Variants in UST observed in about 807,000 individuals in gnomAD.
The protein encoded by UST is chondroitin sulfate 2-O-sulfotransferase.
UST carries 21 observed loss-of-function variants against 45.6 expected under a neutral mutation model. That is an observed-to-expected ratio of 0.46 (90% CI 0.33 to 0.66). The LOEUF (loss-of-function observed/expected upper bound fraction) is 0.66, where lower values mean the gene tolerates loss of function less well. Among genes scored for constraint, UST ranks in the 30% least tolerant of loss-of-function variants. The probability of loss-of-function intolerance (pLI) is 0.02; values close to 1 mark genes in which losing one functional copy is unlikely to be tolerated. For missense variants in UST, 463 were observed against 512.4 expected, an observed-to-expected ratio of 0.90 and a Z score of 0.93; for synonymous variants, 215 against 200.6, an observed-to-expected ratio of 1.07 and a Z score of -0.61.
chr6:148,844,854 A>G (rs1333922240), intron 1 of UST, among the ~76,000 whole-genome samples: 1 of 151,686 alleles, frequency 6.6e-6, no homozygotes, highest in African/African-American at 2.4e-5. Flanking sequence ...CTTAATGGTT[A>G]CCTCCCACTT....
chr6:148,938,534 T>C (rs1048769988), intron 2 of UST, among the ~76,000 whole-genome samples: 2 of 152,198 alleles, frequency 1.3e-5, no homozygotes, highest in African/African-American at 4.8e-5. Context: ...TCAAATGACC[T>C]ACCATAATAT....
At chr6:148,754,501 TC>T (rs1776058872) in intron 1 of UST, among the ~76,000 whole-genome samples, 1 of 152,158 alleles carries the variant, frequency 6.6e-6, no homozygotes, top group Non-Finnish European at 1.5e-5. Flanking sequence ...ATTGTGTCAT[TC>T]TTATGCCTTT....
intron 5 of UST, among the ~76,000 whole-genome samples, chr6:148,979,167 C>A (rs1028414824): frequency 2.0e-5 from 3 of 152,158 alleles, no homozygotes; most frequent in African/African-American, 7.2e-5. Context: ...AGAGTAAATT[C>A]AAGTGTGTCC....
rs11386317 is a variant in UST, at chr6:148,761,523, C to CAA, written c.247+13858_247+13859dup. ...TGTCAGAATTCATCCGACAACGTGC[C>CAA]AAAAAAAAAAAAAGTGTGTAAAATC... On this transcript the variant is annotated intron_variant, in intron 1 of 7. Coordinates refer to ENST00000367463, the MANE Select transcript of UST (RefSeq NM_005715.3). Among the ~76,000 whole-genome samples the CAA allele has an allele frequency of 2.4e-3, 355 of 144,940 alleles. 2 individuals carry two copies. Among genetic ancestry groups the CAA allele is most frequent in the Non-Finnish European group, 2.1e-3 (140 of 65,680 alleles).
chr6:148,975,585 A>G (rs542185782), intron 5 of UST, among the ~76,000 whole-genome samples: 2 of 152,284 alleles, frequency 1.3e-5, no homozygotes, highest in East Asian at 1.9e-4. Context: ...AATATTAGCT[A>G]TCATCATTAT....
chr6:149,042,124 TTAGGCAC>T (rs780595595), intron 7 of UST, among the ~76,000 whole-genome samples: 1 of 152,234 alleles, frequency 6.6e-6, no homozygotes, highest in Non-Finnish European at 1.5e-5. Flanking sequence ...ATCCAGTGAC[TTAGGCAC>T]TTTTATTATT....
intron 1 of UST, among the ~76,000 whole-genome samples, chr6:148,785,754 T>TA (rs1322621094): frequency 6.6e-6 from 1 of 152,214 alleles, no homozygotes; most frequent in Non-Finnish European, 1.5e-5. Context: ...ACTTGAATAG[T>TA]ATAAGATGTT....
At position 149,056,117 on chromosome 6, in the gene UST, C is replaced by CTTTTTTTTTTT. The variant is rs34191810; in HGVS notation, c.938-17700_938-17690dup. 9.6e-4 allele frequency among the ~76,000 whole-genome samples: 78 copies of CTTTTTTTTTTT among 81,094 alleles called. 1 individual carries two copies. The highest frequency in any genetic ancestry group is 1.5e-3 in the African/African-American group (29 of 19,500). The allele number at this position is 81,094 out of a possible 152,430, so 53.2% of individuals were successfully genotyped here. A position where few individuals can be genotyped will look rare whatever the true frequency, so the allele number is the denominator to read the frequency against. The stretch of plus-strand genomic sequence containing the variant: ...TGTTACTCTGCTTTTCTTTTCTTTT[C>CTTTTTTTTTTT]TTTTTTTTTTTTTTTTTTTTTTTTT... On this transcript the variant is annotated intron_variant, in intron 7 of 7. Transcript: ENST00000367463.
At chr6:148,802,717 G>A (rs1777076270) in intron 1 of UST, among the ~76,000 whole-genome samples, 1 of 152,112 alleles carries the variant, frequency 6.6e-6, no homozygotes, top group Admixed American at 6.6e-5. Context: ...TTTATGCTTG[G>A]GAAGCATGAA....
chr6:148,941,911 T>A (rs1014153017), intron 3 of UST, among the ~76,000 whole-genome samples: 5 of 152,182 alleles, frequency 3.3e-5, no homozygotes, highest in African/African-American at 4.8e-5. Flanking sequence ...GAGCAGCATT[T>A]GGAATGTTCA....
At chr6:148,857,600 G>C (rs1191743506) in intron 1 of UST, among the ~76,000 whole-genome samples, 1 of 152,112 alleles carries the variant, frequency 6.6e-6, no homozygotes, top group Non-Finnish European at 1.5e-5. Context: ...GAAAAGCTGA[G>C]TGGCTTGACC....
chr6:148,779,077 C>G (rs1037837681), intron 1 of UST, among the ~76,000 whole-genome samples: 3 of 152,054 alleles, frequency 2.0e-5, no homozygotes, highest in Admixed American at 6.5e-5. Flanking sequence ...CTCTTTTTCT[C>G]TCCACAAAGA....
At position 149,019,304 on chromosome 6, in the gene UST, T is replaced by C. The variant is rs796289120; in HGVS notation, c.779+68T>C. ...AAGGGCAAGAACCCCACCAGCCTGG[T>C]ACTCGGTGGGAATCTTTTGTATCCC... is the stretch of plus-strand genomic sequence containing the variant. On this transcript the variant is annotated intron_variant, in intron 6 of 7. Transcript: ENST00000367463. 3 of 1,191,128 alleles carry C rather than the reference T, an allele frequency of 2.5e-6. No homozygotes were observed. In the African/African-American group the frequency reaches 4.5e-5, roughly 18 times the overall value. 73.8% of individuals were successfully genotyped at this position (1,191,128 alleles called of 1,614,324 possible).
chr6:148,930,307 T>G (rs774222802), intron 2 of UST, among the ~76,000 whole-genome samples: 6 of 152,212 alleles, frequency 3.9e-5, no homozygotes, highest in Non-Finnish European at 7.3e-5. Context: ...CAACAATTAT[T>G]TATTGAGTGC....
chr6:149,044,748 A>G (rs1776374709), intron 7 of UST, among the ~76,000 whole-genome samples: 1 of 152,156 alleles, frequency 6.6e-6, no homozygotes, highest in South Asian at 2.1e-4. Context: ...CCATCTGGAG[A>G]GCTCCTAAAA....
intron 5 of UST, among the ~76,000 whole-genome samples, chr6:149,018,434 A>C (rs545902728): frequency 5.3e-4 from 80 of 152,278 alleles, no homozygotes; most frequent in African/African-American, 1.9e-3. Context: ...GGCATGTCTT[A>C]TTTAGAATCT....
chr6:148,831,508 C>G (rs1030845031), intron 1 of UST, among the ~76,000 whole-genome samples: 1 of 152,176 alleles, frequency 6.6e-6, no homozygotes, highest in African/African-American at 2.4e-5. Context: ...TCTATTTTCA[C>G]TTAGCAGACA....
intron 7 of UST, chr6:149,032,512 C>T (rs1464227941): frequency 6.5e-6 from 1 of 154,146 alleles, no homozygotes; most frequent in Non-Finnish European, 1.4e-5. Flanking sequence ...AGCATGGACT[C>T]TCCTTCTGTT....
rs139749492 is a variant in UST, at chr6:148,987,156, A to C, written c.681+22593A>C. On this transcript the variant is annotated intron_variant, in intron 5 of 7. Transcript: ENST00000367463. ...GATCTGGTTGATGTGCTTCCTGCCC[A>C]CTCCCACCCACAAACCAGGAGATAC... is the stretch of plus-strand genomic sequence containing the variant. Among the ~76,000 whole-genome samples, 24 of 152,098 alleles carry C rather than the reference A, an allele frequency of 1.6e-4. No individual in the cohort carries two copies. In the East Asian group the frequency reaches 4.6e-3, roughly 29 times the overall value.
Sources: allele counts gnomAD v4.1 joint callset (sites outside exome capture counted in the v4.1 genomes callset), GRCh38; gene constraint gnomAD v4.1.1; transcripts MANE v1.5; gene names NCBI Gene and HGNC (gene_info 2026-07-23, HGNC 2026-07-21).